Variants in PRDM4 observed in about 807,000 individuals in gnomAD.
The protein encoded by PRDM4 is PR/SET domain 4, also known as PR domain zinc finger protein 4.
PRDM4 carries 38 observed loss-of-function variants against 62.3 expected under a neutral mutation model. That is an observed-to-expected ratio of 0.61 (90% CI 0.47 to 0.80). PRDM4 has a LOEUF of 0.80. PRDM4 is among the 30% of genes least tolerant of loss of function. The pLI is 0.00. For synonymous variants in PRDM4, 339 were observed against 348.2 expected, an observed-to-expected ratio of 0.97 and a Z score of 0.30; for missense variants, 858 against 997.1, an observed-to-expected ratio of 0.86 and a Z score of 1.88.
rs746941124 is a variant in PRDM4 at position 107,734,127 on chromosome 12, T to C, written c.*83A>G. The C allele has an allele frequency of 6.5e-6, 9 of 1,383,676 alleles. No homozygotes were observed. In the Admixed American group the frequency reaches 1.2e-4, roughly 18 times the overall value. The allele number at this position is 1,383,676 out of a possible 1,614,324, so 85.7% of individuals were successfully genotyped here. ...TGAAAATAAATCAGGAACCATTTTA[T>C]ATAAAAACCATTATAGTAGATAACT... On this transcript the variant is annotated 3_prime_UTR_variant, in exon 12 of 12. Transcript: ENST00000228437.
chr12:107,739,319 T>C, intron 11 of PRDM4, 64 bp downstream of exon 11: 1 of 1,544,770 alleles, frequency 6.5e-7, no homozygotes, highest in Non-Finnish European at 8.8e-7. Flanking sequence ...AATCAGCAGG[T>C]GGGCTGCAGC....
chr12:107,744,399 TA>T, intron 7 of PRDM4, 143 bp downstream of exon 7: 4 of 944,052 alleles, frequency 4.2e-6, no homozygotes, highest in Non-Finnish European at 4.6e-6. Flanking sequence ...ATGTAACATT[TA>T]AAAAAATGTA....
intron 11 of PRDM4, among the ~76,000 whole-genome samples, chr12:107,735,359 TG>T (rs1890295095): frequency 6.6e-6 from 1 of 152,202 alleles, no homozygotes; most frequent in Admixed American, 6.5e-5. Flanking sequence ...TATTCTCAAC[TG>T]GAAGACTCAA....
intron 3 of PRDM4, chr12:107,754,794 A>AT (rs1399502107): frequency 1.3e-5 from 2 of 152,172 alleles, no homozygotes; most frequent in Non-Finnish European, 1.5e-5. Flanking sequence ...ATAGTATGAA[A>AT]TTTTTTTGGT....
Position 107,752,577 on chromosome 12 carries a change from CTT to C in PRDM4, c.332-370_332-369del, listed in dbSNP as rs1374055163. 2.6e-5 allele frequency among the ~76,000 whole-genome samples: 4 copies of C among 152,004 alleles called. No individual in the cohort carries two copies. The East Asian group carries it at 7.7e-4, about 29-fold the overall frequency. On this transcript the variant is annotated intron_variant, in intron 4 of 11. Transcript: ENST00000228437. Reference sequence around the variant, plus strand: ...CAGATCTTCCATGTGAAAAATAAAACTTAATTAAATATAATTTAATATAATTA... The same window carrying C: ...CAGATCTTCCATGTGAAAAATAAAACAATTAAATATAATTTAATATAATTA...
intron 2 of PRDM4, among the ~76,000 whole-genome samples, chr12:107,760,145 A>C (rs1281679812): frequency 1.3e-5 from 2 of 152,210 alleles, no homozygotes; most frequent in Non-Finnish European, 2.9e-5. Context: ...TTAAGAACTT[A>C]ATTCCCTCAC....
chr12:107,733,590 ACTG>A lies in PRDM4; in HGVS notation c.*617_*619del, dbSNP rs1469775465. The A allele has an allele frequency of 6.6e-6, 1 of 152,502 alleles. No individual in the cohort carries two copies. The highest frequency in any genetic ancestry group is 6.5e-5 in the Admixed American group (1 of 15,284). 9.4% of individuals were successfully genotyped at this position (152,502 alleles called of 1,614,324 possible). ...TCTCTCCATCACTGACTACTGACTGACTGCTGCTTTTTTATTTGCCCTCCAGGC... is the reference window on the plus strand; with the variant it reads ...TCTCTCCATCACTGACTACTGACTGACTGCTTTTTTATTTGCCCTCCAGGC... On this transcript the variant is annotated 3_prime_UTR_variant, in exon 12 of 12. Transcript: ENST00000228437.
Position 107,733,896 on chromosome 12 carries a change from T to C in PRDM4, c.*314A>G, listed in dbSNP as rs1044596060. ...AGAATGTGAAATAAATCTGATTTGT[T>C]TGAGCAGAAGGCAGCTTTGATTCAG... On this transcript the variant is annotated 3_prime_UTR_variant, in exon 12 of 12. Coordinates refer to ENST00000228437, the MANE Select transcript of PRDM4 (RefSeq NM_012406.4). 1.1e-5 allele frequency: 3 copies of C among 275,958 alleles called. No homozygotes were observed. The highest frequency in any genetic ancestry group is 2.2e-5 in the African/African-American group (1 of 44,846). 17.1% of individuals were successfully genotyped at this position (275,958 alleles called of 1,614,324 possible).
chr12:107,737,536 G>A (rs193105699), intron 11 of PRDM4, among the ~76,000 whole-genome samples: 119 of 152,304 alleles, frequency 7.8e-4, no homozygotes, highest in Non-Finnish European at 1.4e-3. Flanking sequence ...AAAATGAAAG[G>A]ATAGAGGCTG....
chr12:107,737,487 C>T (rs2136308080), intron 11 of PRDM4, among the ~76,000 whole-genome samples: 1 of 152,254 alleles, frequency 6.6e-6, no homozygotes, highest in Non-Finnish European at 1.5e-5. Flanking sequence ...TCTTCTCACC[C>T]TGAAAAGGAG....
intron 8 of PRDM4, 107 bp downstream of exon 8, chr12:107,743,090 G>C: frequency 2.2e-6 from 2 of 889,394 alleles, no homozygotes; most frequent in South Asian, 3.1e-5. Context: ...AGTATGTCCA[G>C]GTGTTGGTGT....
At chr12:107,740,081 G>A (rs1890468074) in intron 10 of PRDM4, among the ~76,000 whole-genome samples, 1 of 152,086 alleles carries the variant, frequency 6.6e-6, no homozygotes, top group Admixed American at 6.5e-5. Flanking sequence ...TAGGCTTTGT[G>A]GGCCATAAGG....
At position 107,741,131 on chromosome 12, in the gene PRDM4, T is replaced by A; in HGVS notation, c.1739A>T (p.His580Leu). The change falls in exon 10 of 12, where the codon CAT becomes CTT. Residue 580 changes from histidine to leucine, a missense_variant. His to Leu is a moderately conservative substitution (Grantham distance 99). Around this residue, in one of 3 missense-constraint regions of PRDM4, gnomAD observed 355 missense variants for 432.6 expected, o/e 0.82. Coordinates refer to ENST00000228437, the MANE Select transcript of PRDM4 (RefSeq NM_012406.4). ...CCTTTCTTTGCTGTGACTTGGCCCA[T>A]GGCTGCCGCTATGTCCCTGGGTAGG... ...HLPTQGHSGS[H>L]GPSHSKERKW... 1.2e-6 allele frequency: 2 copies of A among 1,614,190 alleles called. No homozygotes were observed. The highest frequency in any genetic ancestry group is 1.7e-6 in the Non-Finnish European group (2 of 1,180,028).
At chr12:107,758,223 A>C (rs1047543458) in intron 2 of PRDM4, 3 of 145,052 alleles carry the variant, frequency 2.1e-5, no homozygotes, top group African/African-American at 5.1e-5. Flanking sequence ...ATATGTAACT[A>C]TCTCTCTTAA....
At chr12:107,759,620 G>C (rs1891167814) in intron 2 of PRDM4, among the ~76,000 whole-genome samples, 1 of 152,138 alleles carries the variant, frequency 6.6e-6, no homozygotes, top group South Asian at 2.1e-4. Flanking sequence ...TTTGTTGTGA[G>C]TCACTAAAAC....
chr12:107,734,620 T>A (rs1287098420), intron 11 of PRDM4, 98 bp from the exon 12 acceptor site: 2 of 1,158,414 alleles, frequency 1.7e-6, no homozygotes, highest in East Asian at 4.7e-5. Flanking sequence ...TCAGAGCAGC[T>A]CTATCCTTCT....
intron 5 of PRDM4, among the ~76,000 whole-genome samples, chr12:107,748,191 AAAATAAAT>A (rs1286394333): frequency 9.2e-5 from 14 of 152,116 alleles, no homozygotes; most frequent in African/African-American, 3.1e-4. Flanking sequence ...AAAAAATAAA[AAAATAAAT>A]AAATAAAAAT....
chr12:107,760,362 C>T, intron 2 of PRDM4, 143 bp downstream of exon 2: 2 of 1,042,842 alleles, frequency 1.9e-6, no homozygotes, highest in South Asian at 3.4e-5. Context: ...TTCCACCCAA[C>T]ACTAGTTTCT....
chr12:107,740,026 C>T (rs1255064581), intron 10 of PRDM4, among the ~76,000 whole-genome samples: 1 of 152,052 alleles, frequency 6.6e-6, no homozygotes, highest in East Asian at 1.9e-4. Context: ...AATAAGATTC[C>T]TCTAAGGGGT....
Sources: gnomAD v4.1 joint callset for allele counts (sites outside exome capture counted in the v4.1 genomes callset) on GRCh38, gnomAD v4.1.1 for gene constraint, gnomAD v4.1.1 regional missense constraint, MANE v1.5 for transcripts, NCBI Gene and HGNC (gene_info 2026-07-23, HGNC 2026-07-21) for gene names.